CCDC102B: variants seen among roughly 807,000 people sequenced by gnomAD.
CCDC102B encodes the protein coiled-coil domain-containing protein 102B.
In CCDC102B, 75 loss-of-function variants were observed where a neutral mutation model predicts 57.4. That is an observed-to-expected ratio of 1.31 (90% CI 1.08 to 1.58). The LOEUF is 1.58. Ranked by LOEUF, CCDC102B falls within the 40% of genes most tolerant of loss-of-function variation. CCDC102B has a pLI of 0.00. For missense variants in CCDC102B, 636 were observed against 582.6 expected (o/e 1.09, Z -0.94); for synonymous variants, 206 against 201.9 (o/e 1.02, Z -0.17).
At chr18:68,900,841 G>A (rs957745369) in intron 6 of CCDC102B, among the ~76,000 whole-genome samples, 1 of 152,102 alleles carries the variant, frequency 6.6e-6, no homozygotes, top group African/African-American at 2.4e-5. Context: ...CCAGTTCGAA[G>A]GAAAATCTAA....
At chr18:68,806,688 A>C (rs1164686133) in intron 1 of CCDC102B, among the ~76,000 whole-genome samples, 2 of 152,172 alleles carry the variant, frequency 1.3e-5, no homozygotes, top group African/African-American at 4.8e-5. Context: ...TAATTCAAGC[A>C]ACATTTGCAA....
intron 2 of CCDC102B, among the ~76,000 whole-genome samples, chr18:68,735,170 G>A (rs2033069463): frequency 6.6e-6 from 1 of 152,162 alleles, no homozygotes; most frequent in Admixed American, 6.5e-5. Flanking sequence ...TCCTGCCTCA[G>A]CCTCCTGAGT....
At chr18:68,935,373 A>C (rs71368377) in intron 6 of CCDC102B, among the ~76,000 whole-genome samples, 1 of 152,144 alleles carries the variant, frequency 6.6e-6, no homozygotes, top group Middle Eastern at 3.4e-3. Flanking sequence ...GGAAGAGTGG[A>C]AATGACATTA....
intron 1 of CCDC102B, among the ~76,000 whole-genome samples, chr18:68,814,403 G>A (rs1443016785): frequency 6.6e-6 from 1 of 152,018 alleles, no homozygotes; most frequent in Non-Finnish European, 1.5e-5. Context: ...GTTTCATCAA[G>A]AAACAATATG....
At chr18:68,939,612 AAAGAAGATAT>A (rs1418466134) in intron 6 of CCDC102B, among the ~76,000 whole-genome samples, 1 of 151,834 alleles carries the variant, frequency 6.6e-6, no homozygotes, top group Admixed American at 6.6e-5. Context: ...TACTTTTATT[AAAGAAGATAT>A]ATCACAAGCT....
chr18:68,823,611 A>C (rs2036783701), intron 1 of CCDC102B, among the ~76,000 whole-genome samples: 1 of 152,164 alleles, frequency 6.6e-6, no homozygotes, highest in Non-Finnish European at 1.5e-5. Context: ...CCCTGTTTTA[A>C]GTTCTTTAAC....
intron 4 of CCDC102B, among the ~76,000 whole-genome samples, chr18:68,848,072 GA>G (rs991234720): frequency 6.6e-6 from 1 of 151,478 alleles, no homozygotes; most frequent in Non-Finnish European, 1.5e-5. Context: ...ATACTACTTA[GA>G]ATGAGTTTAA....
intron 4 of CCDC102B, among the ~76,000 whole-genome samples, chr18:68,865,211 G>A (rs963668068): frequency 1.3e-5 from 2 of 152,078 alleles, no homozygotes; most frequent in African/African-American, 4.8e-5. Context: ...GTCAAGGCAT[G>A]ACTATTGCCA....
chr18:68,884,667 CACAT>C (rs896857568), intron 5 of CCDC102B, among the ~76,000 whole-genome samples: 2 of 149,374 alleles, frequency 1.3e-5, no homozygotes. Context: ...TATATATACA[CACAT>C]ATATATATGT....
chr18:68,810,553 A>G (rs1451943721), intron 1 of CCDC102B, among the ~76,000 whole-genome samples: 1 of 152,086 alleles, frequency 6.6e-6, no homozygotes, highest in Non-Finnish European at 1.5e-5. Context: ...TCACTTTTGA[A>G]TGATTCCCGA....
chr18:68,797,093 G>A (rs1053277639), upstream of CCDC102B, among the ~76,000 whole-genome samples: 3 of 152,144 alleles, frequency 2.0e-5, no homozygotes, highest in Non-Finnish European at 2.9e-5. Context: ...TTCAAAGATA[G>A]AGGAGAGAGA....
At chr18:69,022,211 A>ATATATATATG (rs1555673514) in intron 7 of CCDC102B, among the ~76,000 whole-genome samples, 2,030 of 36,926 alleles carry the variant, frequency 0.055, 64 homozygotes, top group African/African-American at 0.11. Context: ...ATATATATAT[A>ATATATATATG]TATATATATA....
chr18:68,942,334 AAAAG>A (rs2049400593), intron 6 of CCDC102B, among the ~76,000 whole-genome samples: 2 of 152,076 alleles, frequency 1.3e-5, no homozygotes, highest in South Asian at 2.1e-4. Flanking sequence ...GAGACTTGAG[AAAAG>A]AAAGAGACAG....
chr18:68,787,886 G>A (rs1329975081), intron 2 of CCDC102B, among the ~76,000 whole-genome samples: 1 of 151,248 alleles, frequency 6.6e-6, no homozygotes, highest in Non-Finnish European at 1.5e-5. Flanking sequence ...GAATGTGTTT[G>A]CTCTTGCTTT....
chr18:68,793,115 G>A (rs1485402639), upstream of CCDC102B, among the ~76,000 whole-genome samples: 1 of 152,112 alleles, frequency 6.6e-6, no homozygotes, highest in Non-Finnish European at 1.5e-5. Flanking sequence ...CACCACAGCT[G>A]TACTCTGTGA....
intron 6 of CCDC102B, among the ~76,000 whole-genome samples, chr18:69,000,974 TC>T (rs2051185476): frequency 6.6e-6 from 1 of 152,178 alleles, no homozygotes; most frequent in African/African-American, 2.4e-5. Flanking sequence ...TATTAGCTAA[TC>T]CTTTCCACTA....
intron 5 of CCDC102B, among the ~76,000 whole-genome samples, chr18:68,891,186 A>G (rs1255844475): frequency 1.3e-5 from 2 of 152,216 alleles, no homozygotes; most frequent in African/African-American, 4.8e-5. Context: ...TATACGTAAT[A>G]GCCCTTTTAA....
intron 2 of CCDC102B, among the ~76,000 whole-genome samples, chr18:68,722,966 G>C (rs992066468): frequency 7.3e-6 from 1 of 137,122 alleles, no homozygotes; most frequent in African/African-American, 2.8e-5. Flanking sequence ...TTGTGTATTA[G>C]TCCTTTCTCA....
At chr18:68,922,790 C>A (rs1018776127) in intron 6 of CCDC102B, among the ~76,000 whole-genome samples, 1 of 151,534 alleles carries the variant, frequency 6.6e-6, no homozygotes, top group African/African-American at 2.4e-5. Flanking sequence ...AGCAGGGACA[C>A]AAATAAGGTT....
Sources: allele counts gnomAD v4.1 joint callset (sites outside exome capture counted in the v4.1 genomes callset), GRCh38; gene constraint gnomAD v4.1.1; transcripts MANE v1.5; gene names NCBI Gene and HGNC (gene_info 2026-07-23, HGNC 2026-07-21).